The following SLC9A6 variants were observed in gnomAD, a reference collection of about 807,000 sequenced individuals.
SLC9A6 encodes solute carrier family 9 member A6, also known as sodium/hydrogen exchanger 6.
SLC9A6 carries 6 observed loss-of-function variants against 45.3 expected under a neutral mutation model. The observed-to-expected ratio is 0.13, with a 90% CI of 0.07 to 0.26. The LOEUF (loss-of-function observed/expected upper bound fraction) is 0.26. Ranked by LOEUF, SLC9A6 falls within the 10% of genes least tolerant of loss-of-function variation. The pLI, the probability that SLC9A6 is intolerant of heterozygous loss-of-function variation, is 1.00. For missense variants in SLC9A6, 278 were observed against 503.7 expected, an observed-to-expected ratio of 0.55 and a Z score of 4.29; for synonymous variants, 191 against 187.7, an observed-to-expected ratio of 1.02 and a Z score of -0.14.
intron 7 of SLC9A6, among the ~76,000 whole-genome samples, chrX:136,004,835 G>A: frequency 8.9e-6 from 1 of 112,017 alleles, no homozygotes. Flanking sequence ...AATGATGATA[G>A]GTGCAGAATA....
chrX:136,027,217 C>T (rs782260534), intron 13 of SLC9A6, among the ~76,000 whole-genome samples: 56 of 111,742 alleles, frequency 5.0e-4, no homozygotes, highest in African/African-American at 1.7e-3. Context: ...TGATGGGAAT[C>T]GGGCAAGGTA....
At chrX:135,974,798 T>C (rs1399526797) in intron 1 of SLC9A6, 1 of 315,497 alleles carries the variant, frequency 3.2e-6, no homozygotes, top group African/African-American at 2.7e-5. Context: ...TGGAGAAAGA[T>C]TCGCGCAAAA....
At position 136,047,180 on chromosome X, in the gene SLC9A6, G is replaced by A. The variant is rs1282278910; in HGVS notation, c.*2456G>A. On this transcript the variant is annotated 3_prime_UTR_variant, in exon 18 of 18. Transcript: ENST00000630721. ...ATTTTAGTGAGACGTAAAGAGTGCT[G>A]ACTTCATTTATTTTTCTACCTATAT... is the stretch of plus-strand genomic sequence containing the variant. 1.8e-5 allele frequency: 2 copies of A among 112,382 alleles called. No homozygotes were observed. The highest frequency in any genetic ancestry group is 3.8e-5 in the Non-Finnish European group (2 of 53,289). 9.3% of individuals were successfully genotyped at this position (112,382 alleles called of 1,213,427 possible).
rs1556618483 is a variant in SLC9A6 at position 136,010,435 on chromosome X, T to C, written c.744-7T>C. 9 of 1,209,130 alleles carry C rather than the reference T, an allele frequency of 7.4e-6. No homozygotes were observed. The Middle Eastern group carries it at 9.1e-4, about 123-fold the overall frequency. On this transcript the variant is annotated splice_polypyrimidine_tract_variant and splice_region_variant and intron_variant, in intron 7 of 17. Coordinates refer to ENST00000630721, the MANE Select transcript of SLC9A6 (RefSeq NM_001379110.1). ...TTTCAGAAGTAAAAGCAGTCTCTCT[T>C]CTGTAGCTCAATAGTGGCATACCAG...
intron 7 of SLC9A6, among the ~76,000 whole-genome samples, chrX:136,007,288 T>TGG (rs782789533): frequency 1.9e-5 from 2 of 107,394 alleles, no homozygotes; most frequent in East Asian, 2.9e-4. Flanking sequence ...CTGTCATCAA[T>TGG]GGGGGGGGGT....
chrX:136,033,514 A>C, intron 16 of SLC9A6, 21 bp downstream of exon 16: 1 of 967,617 alleles, frequency 1.0e-6, no homozygotes, highest in Non-Finnish European at 1.5e-6. Context: ...TTGAGGGAAA[A>C]AAAAAAAGGA....
chrX:136,015,920 G>A (rs1447281073), intron 10 of SLC9A6, among the ~76,000 whole-genome samples: 2 of 110,975 alleles, frequency 1.8e-5, no homozygotes, highest in African/African-American at 3.3e-5. Flanking sequence ...AGAGGGACAC[G>A]AGATTATGAA....
intron 2 of SLC9A6, among the ~76,000 whole-genome samples, chrX:135,993,739 C>T (rs1300500986): frequency 1.8e-5 from 2 of 109,604 alleles, no homozygotes; most frequent in Admixed American, 9.7e-5. Flanking sequence ...TGCAGTGAGC[C>T]GAGATCATGC....
At chrX:135,999,112 C>A in intron 6 of SLC9A6, 144 bp downstream of exon 6, 3 of 457,751 alleles carry the variant, frequency 6.6e-6, no homozygotes, top group Non-Finnish European at 1.2e-5. Flanking sequence ...GAGGAAAAAA[C>A]AAAATTCATG....
At chrX:135,996,408 T>G (rs2089497762) in intron 3 of SLC9A6, among the ~76,000 whole-genome samples, 1 of 111,694 alleles carries the variant, frequency 9.0e-6, no homozygotes, top group South Asian at 3.7e-4. Flanking sequence ...CAGCAGGAGT[T>G]CTTTCCACCT....
intron 2 of SLC9A6, among the ~76,000 whole-genome samples, chrX:135,992,019 C>T (rs1466524144): frequency 8.9e-6 from 1 of 111,828 alleles, no homozygotes; most frequent in South Asian, 3.7e-4. Flanking sequence ...TGAGACCCCT[C>T]GCTTTAGCTC....
intron 2 of SLC9A6, among the ~76,000 whole-genome samples, chrX:135,988,520 C>T (rs955407989): frequency 1.1e-5 from 1 of 93,690 alleles, no homozygotes; most frequent in Non-Finnish European, 2.1e-5. Context: ...CTTTCTCTCT[C>T]TTTCTTTCTC....
chrX:136,038,956 G>A (rs868931573), intron 16 of SLC9A6, among the ~76,000 whole-genome samples: 3 of 110,703 alleles, frequency 2.7e-5, no homozygotes, highest in Non-Finnish European at 5.7e-5. Context: ...TTTATAAAGC[G>A]TGTTTATATG....
intron 12 of SLC9A6, among the ~76,000 whole-genome samples, chrX:136,023,816 A>C (rs1453302960): frequency 8.9e-6 from 1 of 111,924 alleles, no homozygotes; most frequent in African/African-American, 3.2e-5. Flanking sequence ...TGTAAATGAA[A>C]AGTGAATTTA....
chrX:136,023,199 AT>A (rs1870192056), intron 12 of SLC9A6, among the ~76,000 whole-genome samples: 2 of 49,520 alleles, frequency 4.0e-5, no homozygotes, highest in South Asian at 1.8e-3. Flanking sequence ...ATATATATAT[AT>A]ATATATATAT....
intron 11 of SLC9A6, among the ~76,000 whole-genome samples, chrX:136,019,478 A>G (rs1199739796): frequency 8.9e-6 from 1 of 112,377 alleles, no homozygotes; most frequent in African/African-American, 3.2e-5. Context: ...CATAAAGATG[A>G]AAGGGAGGAG....
intron 17 of SLC9A6, 131 bp from the exon 18 acceptor site, chrX:136,044,321 C>T (rs1266917355): frequency 1.8e-6 from 1 of 542,978 alleles, no homozygotes; most frequent in African/African-American, 2.3e-5. Context: ...AAGGTATGGA[C>T]TTTAGACTTT....
chrX:136,031,739 C>T (rs782522116), intron 15 of SLC9A6, among the ~76,000 whole-genome samples: 2 of 111,092 alleles, frequency 1.8e-5, no homozygotes, highest in Non-Finnish European at 3.8e-5. Flanking sequence ...TGAATGTCCA[C>T]GAGAAAGCAC....
intron 1 of SLC9A6, among the ~76,000 whole-genome samples, chrX:135,978,599 C>A (rs2089273097): frequency 9.2e-6 from 1 of 108,657 alleles, no homozygotes; most frequent in African/African-American, 3.4e-5. Flanking sequence ...TTGCAGTGAG[C>A]CAAGATCGCA....
Sources: allele counts gnomAD v4.1 joint callset (sites outside exome capture counted in the v4.1 genomes callset), GRCh38; gene constraint gnomAD v4.1.1; transcripts MANE v1.5; gene names NCBI Gene and HGNC (gene_info 2026-07-23, HGNC 2026-07-21).